Variants in SOCS5 observed in about 807,000 individuals in gnomAD.
SOCS5 encodes the protein CIS-6.
In SOCS5, 32 loss-of-function variants were observed where a neutral mutation model predicts 42.8. The ratio of observed to expected loss-of-function variants is 0.75; its 90% CI spans 0.56 to 1.01. The LOEUF (loss-of-function observed/expected upper bound fraction) is 1.01, where lower values mean the gene tolerates loss of function less well. Ranked by LOEUF, SOCS5 falls within the 50% of genes least tolerant of loss-of-function variation. SOCS5 has a pLI of 0.00. For missense variants in SOCS5, 627 were observed against 653.0 expected, an observed-to-expected ratio of 0.96 and a Z score of 0.43; for synonymous variants, 283 against 229.6, an observed-to-expected ratio of 1.23 and a Z score of -2.10.
chr2:46,749,845 G>C (rs1268489256), intron 1 of SOCS5, among the ~76,000 whole-genome samples: 1 of 152,122 alleles, frequency 6.6e-6, no homozygotes, highest in Non-Finnish European at 1.5e-5. Context: ...CACTCTGGCA[G>C]ATACTGTACA....
At chr2:46,717,217 C>T (rs1004843575) in intron 1 of SOCS5, among the ~76,000 whole-genome samples, 10 of 152,168 alleles carry the variant, frequency 6.6e-5, no homozygotes, top group South Asian at 6.2e-4. Flanking sequence ...AAATTCTGAG[C>T]TCTGTCACGT....
intron 1 of SOCS5, among the ~76,000 whole-genome samples, chr2:46,732,997 G>A (rs549163450): frequency 1.3e-5 from 2 of 152,022 alleles, no homozygotes; most frequent in East Asian, 1.9e-4. Flanking sequence ...TAATTGGAGA[G>A]ATTTTAACAT....
intron 1 of SOCS5, among the ~76,000 whole-genome samples, chr2:46,758,246 G>T (rs931474246): frequency 6.6e-6 from 1 of 152,222 alleles, no homozygotes; most frequent in Non-Finnish European, 1.5e-5. Context: ...GTTTAAGAGC[G>T]TTTATTTTCT....
At chr2:46,720,894 C>T (rs192036403) in intron 1 of SOCS5, among the ~76,000 whole-genome samples, 55 of 152,280 alleles carry the variant, frequency 3.6e-4, no homozygotes, top group African/African-American at 1.3e-3. Context: ...CTTTCTTTCA[C>T]ACGGTTCTGA....
intron 1 of SOCS5, among the ~76,000 whole-genome samples, chr2:46,737,925 A>G (rs569387078): frequency 2.6e-5 from 4 of 152,336 alleles, no homozygotes; most frequent in African/African-American, 7.2e-5. Flanking sequence ...AAGAAGCAAT[A>G]TAAGACCATT....
At chr2:46,709,044 G>C (rs181935051) in intron 1 of SOCS5, among the ~76,000 whole-genome samples, 2 of 151,830 alleles carry the variant, frequency 1.3e-5, no homozygotes, top group African/African-American at 4.8e-5. Context: ...GCACCACCAC[G>C]CCTGGCTAAT....
chr2:46,758,351 G>A (rs1213035231), intron 1 of SOCS5, among the ~76,000 whole-genome samples, 168 bp from the exon 2 acceptor site: 1 of 152,192 alleles, frequency 6.6e-6, no homozygotes, highest in African/African-American at 2.4e-5. Flanking sequence ...TGGCCTTCCT[G>A]CTGCCCAACA....
chr2:46,760,659 T>C lies in SOCS5; in HGVS notation c.*518T>C, dbSNP rs1673845696. ...ATGCAATTTTCTGGCCACAAGGGCATAGTGCAGTTCACTTACGTGTTGATG... is the reference window on the plus strand; with the variant it reads ...ATGCAATTTTCTGGCCACAAGGGCACAGTGCAGTTCACTTACGTGTTGATG... On this transcript the variant is annotated 3_prime_UTR_variant, in exon 2 of 2. Transcript: ENST00000394861. The C allele has an allele frequency of 5.9e-6, 1 of 169,142 alleles. No individual in the cohort carries two copies. The allele number at this position is 169,142 out of a possible 1,614,324, so 10.5% of individuals were successfully genotyped here. A position where few individuals can be genotyped will look rare whatever the true frequency, so the allele number is the denominator to read the frequency against.
intron 1 of SOCS5, among the ~76,000 whole-genome samples, chr2:46,737,174 G>C (rs2103735804): frequency 6.6e-6 from 1 of 152,274 alleles, no homozygotes; most frequent in African/African-American, 2.4e-5. Flanking sequence ...AATCTTAAAA[G>C]TAGATCCAAG....
At chr2:46,717,631 C>G (rs933278057) in intron 1 of SOCS5, among the ~76,000 whole-genome samples, 2 of 151,966 alleles carry the variant, frequency 1.3e-5, no homozygotes, top group Admixed American at 1.3e-4. Flanking sequence ...TCACTTAATG[C>G]AGTATGTATT....
intron 1 of SOCS5, among the ~76,000 whole-genome samples, chr2:46,702,229 A>C (rs1672361731): frequency 6.6e-6 from 1 of 152,206 alleles, no homozygotes; most frequent in African/African-American, 2.4e-5. Context: ...TTGTGTGCCC[A>C]TTTATTTCCT....
chr2:46,699,000 C>T (rs1248454176), upstream of SOCS5: 2 of 152,462 alleles, frequency 1.3e-5, no homozygotes, highest in African/African-American at 4.8e-5. Context: ...CCCCGACTCC[C>T]GGGCCGCCCC....
chr2:46,702,734 T>C (rs11676737), intron 1 of SOCS5, among the ~76,000 whole-genome samples: 42,538 of 152,184 alleles, frequency 0.28, 6,788 homozygotes, highest in Non-Finnish European at 0.36. Flanking sequence ...TATGGTTCTT[T>C]TTAATTTGCT....
intron 1 of SOCS5, among the ~76,000 whole-genome samples, chr2:46,742,116 T>G (rs1486954741): frequency 1.3e-5 from 2 of 152,208 alleles, no homozygotes; most frequent in African/African-American, 4.8e-5. Context: ...TTGTATCACA[T>G]TTTAATTTGG....
chr2:46,758,009 G>C (rs1401970581), intron 1 of SOCS5, among the ~76,000 whole-genome samples: 1 of 152,174 alleles, frequency 6.6e-6, no homozygotes, highest in African/African-American at 2.4e-5. Flanking sequence ...TTTTATAAGT[G>C]ATGAACACAC....
intron 1 of SOCS5, among the ~76,000 whole-genome samples, chr2:46,735,933 C>T (rs1017733599): frequency 1.3e-5 from 2 of 152,084 alleles, no homozygotes; most frequent in African/African-American, 4.8e-5. Flanking sequence ...CTGTGTTATA[C>T]TTTATTATTG....
At chr2:46,718,523 T>G (rs1672804288) in intron 1 of SOCS5, among the ~76,000 whole-genome samples, 1 of 152,164 alleles carries the variant, frequency 6.6e-6, no homozygotes, top group East Asian at 1.9e-4. Context: ...GAACATCATT[T>G]TGGGTATCTT....
chr2:46,733,384 C>T (rs1673170722), intron 1 of SOCS5, among the ~76,000 whole-genome samples: 1 of 151,940 alleles, frequency 6.6e-6, no homozygotes, highest in Non-Finnish European at 1.5e-5. Flanking sequence ...CGTGAGCCAC[C>T]ATGCCCAGCC....
At chr2:46,701,180 C>T (rs768304116) in intron 1 of SOCS5, among the ~76,000 whole-genome samples, 7 of 152,182 alleles carry the variant, frequency 4.6e-5, no homozygotes, top group Non-Finnish European at 8.8e-5. Context: ...ATAGCTTCTA[C>T]ATTATTCACC....
Sources: gnomAD v4.1 joint callset for allele counts (sites outside exome capture counted in the v4.1 genomes callset) on GRCh38, gnomAD v4.1.1 for gene constraint, MANE v1.5 for transcripts, NCBI Gene and HGNC (gene_info 2026-07-23, HGNC 2026-07-21) for gene names.